The following PPP2R2A variants were observed in gnomAD, a reference collection of about 807,000 sequenced individuals.
PPP2R2A encodes serine/threonine-protein phosphatase 2A 55 kDa regulatory subunit B alpha isoform.
A neutral mutation model predicts 53.2 loss-of-function variants in PPP2R2A; 9 were observed. The observed-to-expected ratio is 0.17, with a 90% CI of 0.10 to 0.30. PPP2R2A has a LOEUF of 0.30. Among genes scored for constraint, PPP2R2A ranks in the 10% least tolerant of loss-of-function variants. PPP2R2A has a pLI of 1.00. For missense variants in PPP2R2A, 235 were observed against 534.6 expected, an observed-to-expected ratio of 0.44 and a Z score of 5.53; for synonymous variants, 169 against 174.2, an observed-to-expected ratio of 0.97 and a Z score of 0.23.
intron 3 of PPP2R2A, among the ~76,000 whole-genome samples, chr8:26,352,902 A>G (rs747607853): frequency 6.6e-6 from 1 of 152,208 alleles, no homozygotes; most frequent in Non-Finnish European, 1.5e-5. Context: ...GACGTACACA[A>G]GTTACTTGAA....
intron 4 of PPP2R2A, among the ~76,000 whole-genome samples, chr8:26,359,848 A>G (rs780534866): frequency 1.3e-5 from 2 of 152,218 alleles, no homozygotes; most frequent in Non-Finnish European, 2.9e-5. Context: ...GTACAGACAT[A>G]TATGTGTTTG....
At chr8:26,366,185 AAGATTG>A in intron 8 of PPP2R2A, 124 bp from the exon 9 acceptor site, 1 of 687,394 alleles carries the variant, frequency 1.5e-6, no homozygotes, top group Non-Finnish European at 2.4e-6. Context: ...TGTTACTGAG[AAGATTG>A]AGATTAATAG....
Position 26,354,764 on chromosome 8 carries a change from ACT to A in PPP2R2A, c.346+134_346+135del. The A allele has an allele frequency of 2.3e-6, 2 of 880,580 alleles. No homozygotes were observed. Among genetic ancestry groups the A allele is most frequent in the Non-Finnish European group, 3.1e-6 (2 of 653,442 alleles). 54.5% of individuals were successfully genotyped at this position (880,580 alleles called of 1,614,324 possible). A position where few individuals can be genotyped will look rare whatever the true frequency, so the allele number is the denominator to read the frequency against. On this transcript the variant is annotated intron_variant, in intron 4 of 9. Coordinates refer to ENST00000380737, the MANE Select transcript of PPP2R2A (RefSeq NM_002717.4). This position sits in a 1 kb window ranked among gnomAD's most constrained non-coding sequence, Gnocchi z 4.6. ...TTTTGTTTTTCTATACAGAATGTAA[ACT>A]CTACTTTTTTACTGTCACTTGCAGT... is the stretch of plus-strand genomic sequence containing the variant.
At chr8:26,309,035 A>G (rs1802154402) in intron 2 of PPP2R2A, among the ~76,000 whole-genome samples, 1 of 151,582 alleles carries the variant, frequency 6.6e-6, no homozygotes, top group African/African-American at 2.4e-5. Context: ...TCATATTTCT[A>G]CTTTTTGTAG....
At chr8:26,292,653 G>A (rs1366955688) in intron 1 of PPP2R2A, among the ~76,000 whole-genome samples, 1 of 152,184 alleles carries the variant, frequency 6.6e-6, no homozygotes, top group Non-Finnish European at 1.5e-5. Context: ...AATAAATTTA[G>A]CAAGGAATAG....
intron 2 of PPP2R2A, among the ~76,000 whole-genome samples, chr8:26,296,994 C>T (rs996536607): frequency 6.6e-6 from 1 of 152,134 alleles, no homozygotes; most frequent in African/African-American, 2.4e-5. Context: ...GATAAGTACT[C>T]TCCTGGGTTC....
intron 9 of PPP2R2A, among the ~76,000 whole-genome samples, chr8:26,367,576 C>G (rs1805444399): frequency 6.6e-6 from 1 of 152,326 alleles, no homozygotes; most frequent in East Asian, 1.9e-4. Context: ...ATCACGTGTT[C>G]TATTCTCTGT....
intron 3 of PPP2R2A, among the ~76,000 whole-genome samples, chr8:26,352,438 T>G (rs73217720): frequency 0.039 from 5,984 of 152,316 alleles, 176 homozygotes; most frequent in South Asian, 0.12. Context: ...CTCTTCAGTT[T>G]TGTTACTGCT....
chr8:26,322,708 C>T (rs527638115), intron 2 of PPP2R2A, among the ~76,000 whole-genome samples: 2 of 152,138 alleles, frequency 1.3e-5, no homozygotes, highest in Admixed American at 6.5e-5. Flanking sequence ...CCAAAACTTA[C>T]ATATAAAAGT....
chr8:26,318,261 A>G (rs1391288494), intron 2 of PPP2R2A, among the ~76,000 whole-genome samples: 1 of 152,176 alleles, frequency 6.6e-6, no homozygotes. Context: ...TAGGATCCTA[A>G]TTCAAATAGT....
At chr8:26,292,233 G>A in intron 1 of PPP2R2A, 2 of 1,041,684 alleles carry the variant, frequency 1.9e-6, no homozygotes, top group Non-Finnish European at 2.3e-6. Context: ...TTTTCCCCCT[G>A]CTGCAAGCCT....
chr8:26,304,124 A>G (rs1801909818), intron 2 of PPP2R2A, among the ~76,000 whole-genome samples: 2 of 152,198 alleles, frequency 1.3e-5, no homozygotes, highest in African/African-American at 4.8e-5. Context: ...CTAAATTTGG[A>G]AGAATCAAGG....
intron 7 of PPP2R2A, 75 bp from the exon 8 acceptor site, chr8:26,363,646 T>G (rs937211738): frequency 8.6e-6 from 11 of 1,279,136 alleles, no homozygotes; most frequent in Non-Finnish European, 8.2e-6. Flanking sequence ...TGTGAATGGT[T>G]GTTTAGGAAA....
At chr8:26,294,390 A>G (rs1216605705) in intron 2 of PPP2R2A, among the ~76,000 whole-genome samples, 1 of 152,194 alleles carries the variant, frequency 6.6e-6, no homozygotes, top group East Asian at 1.9e-4. Context: ...ACTTACGTCT[A>G]ATTTTCTCCC....
intron 4 of PPP2R2A, chr8:26,359,027 C>T (rs1442101106): frequency 4.5e-6 from 2 of 448,096 alleles, no homozygotes; most frequent in Non-Finnish European, 4.5e-6. Flanking sequence ...GTTAACGCCA[C>T]CAGCTGTAAG....
At position 26,313,842 on chromosome 8, in the gene PPP2R2A, C is replaced by G. The variant is rs78013951; in HGVS notation, c.82+20102C>G. On this transcript the variant is annotated intron_variant, in intron 2 of 9. Coordinates refer to ENST00000380737, the MANE Select transcript of PPP2R2A (RefSeq NM_002717.4). ...AAGGAACCAGCCCAGCTGACAACTT[C>G]ACCTTAGCCCAGTGAAACTGTTTTT... 9.4e-3 allele frequency among the ~76,000 whole-genome samples: 1,438 copies of G among 152,308 alleles called. 20 individuals are homozygous for G. The highest frequency in any genetic ancestry group is 0.033 in the African/African-American group (1,377 of 41,552).
Position 26,370,429 on chromosome 8 carries a change from C to G in PPP2R2A, c.*16C>G. 6.2e-7 allele frequency: 1 copy of G among 1,609,972 alleles called. No homozygotes were observed. Among genetic ancestry groups the G allele is most frequent in the South Asian group, 1.1e-5 (1 of 90,914 alleles). On this transcript the variant is annotated 3_prime_UTR_variant, in exon 10 of 10. Coordinates refer to ENST00000380737, the MANE Select transcript of PPP2R2A (RefSeq NM_002717.4). This position sits in a 1 kb window ranked among gnomAD's most constrained non-coding sequence, Gnocchi z 6.1. Reference sequence around the variant, plus strand: ...AGTGAATTAGGGTTGGCATTCCTAGCAGAAGAACCCACTTCCTGCTTAGTT... The same window carrying G: ...AGTGAATTAGGGTTGGCATTCCTAGGAGAAGAACCCACTTCCTGCTTAGTT...
intron 2 of PPP2R2A, among the ~76,000 whole-genome samples, chr8:26,301,353 G>C (rs1801776050): frequency 7.3e-6 from 1 of 137,054 alleles, no homozygotes; most frequent in East Asian, 2.1e-4. Context: ...TTTTTTTTGA[G>C]ACGGGGTCTT....
intron 2 of PPP2R2A, among the ~76,000 whole-genome samples, chr8:26,300,453 A>G (rs1801729592): frequency 6.6e-6 from 1 of 152,232 alleles, no homozygotes; most frequent in Admixed American, 6.5e-5. Context: ...TAGCTAAAAA[A>G]TTTTAGTTAA....
Sources: gnomAD v4.1 joint callset for allele counts (sites outside exome capture counted in the v4.1 genomes callset) on GRCh38, gnomAD v4.1.1 for gene constraint, Gnocchi (gnomAD v3.1) non-coding constraint, MANE v1.5 for transcripts, NCBI Gene and HGNC (gene_info 2026-07-23, HGNC 2026-07-21) for gene names.